The following TERB2 variants were observed in gnomAD, a reference collection of about 807,000 sequenced individuals.
The protein encoded by TERB2 is telomere repeats-binding bouquet formation protein 2.
In TERB2, 26 loss-of-function variants were observed where a neutral mutation model predicts 29.8. The observed-to-expected ratio is 0.87, with a 90% CI of 0.64 to 1.21. The LOEUF (loss-of-function observed/expected upper bound fraction) is 1.21, where lower values mean the gene tolerates loss of function less well. Among genes scored for constraint, TERB2 ranks in the 50% most tolerant of loss-of-function variants. TERB2 has a pLI of 0.00. For synonymous variants in TERB2, 80 were observed against 90.8 expected, an observed-to-expected ratio of 0.88 and a Z score of 0.68; for missense variants, 240 against 268.6, an observed-to-expected ratio of 0.89 and a Z score of 0.74.
In TERB2 at chr15:44,973,963, A is replaced by G. The variant is rs1701271530; in HGVS notation, c.523+8A>G. Reference sequence around the variant, plus strand: ...TTAACAACATGGTAACAGGTAGTTTAAAATAAAATTTAGAGTAAACTCAGG... The same window carrying G: ...TTAACAACATGGTAACAGGTAGTTTGAAATAAAATTTAGAGTAAACTCAGG... On this transcript the variant is annotated splice_region_variant and intron_variant, in intron 6 of 6. Coordinates refer to ENST00000340827, the MANE Select transcript of TERB2 (RefSeq NM_152448.3). The G allele has an allele frequency of 2.6e-6, 4 of 1,556,290 alleles. No individual in the cohort carries two copies. The highest frequency in any genetic ancestry group is 3.5e-6 in the Non-Finnish European group (4 of 1,148,626).
rs779811933 is a variant in TERB2 at position 44,978,532 on chromosome 15, A to G, written c.567A>G (p.Leu189=). ...CCATGAAGAAATTCCTTGGGGAGCTACATGACTTCATTCCTGGAACCTCAG... is the reference window on the plus strand; with the variant it reads ...CCATGAAGAAATTCCTTGGGGAGCTGCATGACTTCATTCCTGGAACCTCAG... The part of the protein sequence containing the change: ...IDAMKKFLGE[L]HDFIPGTSGY... The change falls in exon 7 of 7, where the codon CTA becomes CTG. Residue 189 remains leucine (L), a synonymous_variant. Coordinates refer to ENST00000340827, the MANE Select transcript of TERB2 (RefSeq NM_152448.3). The G allele has an allele frequency of 1.2e-6, 2 of 1,609,988 alleles. No homozygotes were observed. Among genetic ancestry groups the G allele is most frequent in the South Asian group, 1.1e-5 (1 of 90,086 alleles).
intron 4 of TERB2, 148 bp from the exon 5 acceptor site, chr15:44,966,010 C>T (rs539425712): frequency 1.2e-5 from 5 of 400,760 alleles, no homozygotes; most frequent in Non-Finnish European, 1.8e-5. Flanking sequence ...TTTCTTCACT[C>T]AGCTAGATTG....
intron 3 of TERB2, 39 bp from the exon 4 acceptor site, chr15:44,961,484 A>G: frequency 6.7e-7 from 1 of 1,485,684 alleles, no homozygotes; most frequent in African/African-American, 1.4e-5. Flanking sequence ...CTTAAAAAAA[A>G]AAACCAAAAC....
rs756224432 is a variant in TERB2 at position 44,978,629 on chromosome 15, T to C, written c.*1T>C. ...AAAAAACAAATTGAAGAGGAAATAG[T>C]AAATTAAATTGTAAATACCTTGGCA... is the stretch of plus-strand genomic sequence containing the variant. On this transcript the variant is annotated 3_prime_UTR_variant, in exon 7 of 7. Transcript: ENST00000340827. 1 of 1,585,138 alleles carries C rather than the reference T, an allele frequency of 6.3e-7. No individual in the cohort carries two copies. Among genetic ancestry groups the C allele is most frequent in the Non-Finnish European group, 8.6e-7 (1 of 1,167,424 alleles).
intron 4 of TERB2, among the ~76,000 whole-genome samples, chr15:44,965,593 A>G (rs1891876822): frequency 6.9e-6 from 1 of 144,780 alleles, no homozygotes; most frequent in Non-Finnish European, 1.5e-5. Flanking sequence ...TATATCATAT[A>G]GATTTATATA....
chr15:44,957,991 AT>A (rs1279422352), intron 2 of TERB2, among the ~76,000 whole-genome samples: 2 of 152,132 alleles, frequency 1.3e-5, no homozygotes, highest in African/African-American at 4.8e-5. Flanking sequence ...TGCTTTCTAT[AT>A]GTGAAGCTTT....
intron 4 of TERB2, among the ~76,000 whole-genome samples, chr15:44,962,284 C>T (rs1323090779): frequency 2.6e-5 from 4 of 151,378 alleles, no homozygotes; most frequent in African/African-American, 9.7e-5. Flanking sequence ...CGGGTTCACG[C>T]CATTCTCCTG....
intron 5 of TERB2, chr15:44,970,957 G>T: frequency 6.4e-6 from 1 of 157,294 alleles, no homozygotes. Context: ...TCATCTAATT[G>T]AGCTCCTATA....
chr15:44,973,996 G>A (rs1892008156), intron 6 of TERB2, 41 bp downstream of exon 6: 2 of 1,426,662 alleles, frequency 1.4e-6, no homozygotes, highest in Non-Finnish European at 1.9e-6. Flanking sequence ...AGGTAGGAAA[G>A]AAACAAGGGA....
chr15:44,973,016 G>C (rs1345967693), intron 5 of TERB2, among the ~76,000 whole-genome samples: 1 of 151,300 alleles, frequency 6.6e-6, no homozygotes, highest in African/African-American at 2.4e-5. Flanking sequence ...CCGAGTAGCT[G>C]GGATTACAGG....
At chr15:44,961,487 AC>A in intron 3 of TERB2, 35 bp from the exon 4 acceptor site, 1 of 1,493,046 alleles carries the variant, frequency 6.7e-7, no homozygotes, top group Non-Finnish European at 9.1e-7. Context: ...AAAAAAAAAA[AC>A]CAAAACAGTA....
intron 5 of TERB2, 64 bp downstream of exon 5, chr15:44,966,307 G>A (rs569669628): frequency 5.6e-4 from 528 of 942,146 alleles, no homozygotes; most frequent in Non-Finnish European, 6.8e-4. Flanking sequence ...CACTGATTGT[G>A]TGCTTATCTC....
At chr15:44,962,040 A>AGG (rs1891812685) in intron 4 of TERB2, among the ~76,000 whole-genome samples, 1 of 152,070 alleles carries the variant, frequency 6.6e-6, no homozygotes. Context: ...ATTGAATATT[A>AGG]CTTGGTTCGA....
In TERB2 at chr15:44,961,562, A is replaced by G. The variant is rs1456202338; in HGVS notation, c.326A>G (p.Asp109Gly). ...ATTGGTAGTTTTATTTGGGAACAAG[A>G]CCAACATTTTCTGATAGAAAAGGTA... ...RKIGSFIWEQ[D>G]QHFLIEKHDE... The change falls in exon 4 of 7, where the codon GAC becomes GGC. Residue 109 changes from aspartate (D) to glycine (G), a missense_variant. Asp to Gly is a moderately conservative substitution (Grantham distance 94). Transcript: ENST00000340827. The G allele has an allele frequency of 6.3e-7, 1 of 1,598,202 alleles. No individual in the cohort carries two copies. The highest frequency in any genetic ancestry group is 8.5e-7 in the Non-Finnish European group (1 of 1,172,332).
rs371348073 is a variant in TERB2, at chr15:44,973,847, C to A, written c.435-20C>A. On this transcript the variant is annotated intron_variant, in intron 5 of 6. Transcript: ENST00000340827. ...ATATATACTATGTATGTGTGACTTTCTGTATGCTTTATTTTACAGCCCAGA... is the reference window on the plus strand; with the variant it reads ...ATATATACTATGTATGTGTGACTTTATGTATGCTTTATTTTACAGCCCAGA... 2.3e-4 allele frequency: 356 copies of A among 1,553,192 alleles called. No homozygotes were observed. The highest frequency in any genetic ancestry group is 1.0e-3 in the South Asian group (84 of 82,714).
At chr15:44,968,308 T>C (rs1485597557) in intron 5 of TERB2, among the ~76,000 whole-genome samples, 5 of 151,936 alleles carry the variant, frequency 3.3e-5, no homozygotes, top group Non-Finnish European at 5.9e-5. Context: ...CTCTGCCTCC[T>C]GGGTTCAAGC....
At chr15:44,959,904 A>C (rs1891775431) in intron 3 of TERB2, among the ~76,000 whole-genome samples, 2 of 152,242 alleles carry the variant, frequency 1.3e-5, no homozygotes, top group African/African-American at 2.4e-5. Context: ...TTTCTATAAA[A>C]GAGCCATTAG....
At chr15:44,977,130 AC>A (rs1892059209) in intron 6 of TERB2, among the ~76,000 whole-genome samples, 1 of 139,250 alleles carries the variant, frequency 7.2e-6, no homozygotes, top group African/African-American at 2.8e-5. Flanking sequence ...AGAAAAAAAA[AC>A]CCTAAAAACT....
chr15:44,976,827 G>T (rs958434435), intron 6 of TERB2, among the ~76,000 whole-genome samples: 17 of 152,170 alleles, frequency 1.1e-4, no homozygotes, highest in Non-Finnish European at 2.9e-5. Context: ...AGTGAATGCT[G>T]ATTTGAACCG....
Sources: allele counts gnomAD v4.1 joint callset (sites outside exome capture counted in the v4.1 genomes callset), GRCh38; gene constraint gnomAD v4.1.1; transcripts MANE v1.5; gene names NCBI Gene and HGNC (gene_info 2026-07-23, HGNC 2026-07-21).